PPM1E: variants seen among roughly 807,000 people sequenced by gnomAD.
PPM1E encodes protein phosphatase, Mg2+/Mn2+ dependent 1E.
Under a neutral mutation model 65.9 loss-of-function variants are expected in PPM1E, and 20 were observed. The ratio of observed to expected loss-of-function variants is 0.30; its 90% CI spans 0.21 to 0.44. PPM1E has a LOEUF of 0.44. PPM1E is among the 20% of genes least tolerant of loss of function. The pLI, the probability that PPM1E is intolerant of heterozygous loss-of-function variation, is 1.00. For synonymous variants in PPM1E, 352 were observed against 374.9 expected (o/e 0.94, Z 0.70); for missense variants, 713 against 953.1 (o/e 0.75, Z 3.32).
rs2143867867 is a variant in PPM1E at position 58,983,543 on chromosome 17, T to C, written c.*2512T>C. On this transcript the variant is annotated 3_prime_UTR_variant, in exon 7 of 7. Coordinates refer to ENST00000308249, the MANE Select transcript of PPM1E (RefSeq NM_014906.5). ...CTGACGTAAGCAATAAGTAACCCTCTAACTAATGGTATCTACATATTTCTG... is the reference window on the plus strand; with the variant it reads ...CTGACGTAAGCAATAAGTAACCCTCCAACTAATGGTATCTACATATTTCTG... 1 of 152,772 alleles carries C rather than the reference T, an allele frequency of 6.5e-6. No individual in the cohort carries two copies. Among genetic ancestry groups the C allele is most frequent in the Non-Finnish European group, 1.5e-5 (1 of 68,034 alleles). 9.5% of individuals were successfully genotyped at this position (152,772 alleles called of 1,614,324 possible).
intron 1 of PPM1E, among the ~76,000 whole-genome samples, chr17:58,786,543 T>C (rs1036131422): frequency 6.6e-6 from 1 of 152,216 alleles, no homozygotes; most frequent in Non-Finnish European, 1.5e-5. Context: ...GGATGATTCA[T>C]GTCCCAGGCA....
intron 1 of PPM1E, among the ~76,000 whole-genome samples, chr17:58,856,109 C>T (rs945166825): frequency 3.9e-5 from 6 of 152,136 alleles, no homozygotes; most frequent in African/African-American, 1.4e-4. Context: ...ATGTATTCAG[C>T]TATTGCATTA....
intron 1 of PPM1E, among the ~76,000 whole-genome samples, chr17:58,892,356 T>A (rs1386221437): frequency 6.6e-6 from 1 of 152,132 alleles, no homozygotes; most frequent in African/African-American, 2.4e-5. Flanking sequence ...GGAGGATTGC[T>A]TGAGGCCATG....
intron 1 of PPM1E, among the ~76,000 whole-genome samples, chr17:58,939,362 G>A (rs2052032312): frequency 6.6e-6 from 1 of 152,174 alleles, no homozygotes; most frequent in African/African-American, 2.4e-5. Flanking sequence ...CTGCAGGAAA[G>A]AACAGTCAGA....
At chr17:58,902,404 G>C (rs746102162) in intron 1 of PPM1E, among the ~76,000 whole-genome samples, 6 of 151,940 alleles carry the variant, frequency 3.9e-5, no homozygotes, top group Non-Finnish European at 5.9e-5. Context: ...AACCAGCTAT[G>C]CTGCATTGTA....
chr17:58,862,438 A>C (rs994365694), intron 1 of PPM1E, among the ~76,000 whole-genome samples: 2 of 152,192 alleles, frequency 1.3e-5, no homozygotes, highest in African/African-American at 4.8e-5. Context: ...GAACTCCCCA[A>C]TTTGAAATAA....
intron 1 of PPM1E, among the ~76,000 whole-genome samples, chr17:58,882,953 T>C (rs1869485369): frequency 3.5e-5 from 2 of 57,794 alleles, no homozygotes; most frequent in Non-Finnish European, 7.6e-5. Context: ...ATTACTTTCT[T>C]TTTTTTTTTT....
At chr17:58,912,635 T>C (rs2051639887) in intron 1 of PPM1E, among the ~76,000 whole-genome samples, 1 of 152,182 alleles carries the variant, frequency 6.6e-6, no homozygotes, top group African/African-American at 2.4e-5. Context: ...TCTAAAACTC[T>C]TAGAACCTCC....
At chr17:58,822,080 G>A (rs907403141) in intron 1 of PPM1E, among the ~76,000 whole-genome samples, 16 of 152,134 alleles carry the variant, frequency 1.1e-4, no homozygotes, top group African/African-American at 3.6e-4. Flanking sequence ...AAGGAATCTG[G>A]CAGGAAGAAG....
intron 1 of PPM1E, among the ~76,000 whole-genome samples, chr17:58,883,040 C>A (rs2051218922): frequency 6.7e-6 from 1 of 149,318 alleles, no homozygotes; most frequent in African/African-American, 2.5e-5. Flanking sequence ...CTGCAACCTC[C>A]ACCTCACGGG....
chr17:58,821,196 T>C (rs547754639), intron 1 of PPM1E, among the ~76,000 whole-genome samples: 1 of 152,216 alleles, frequency 6.6e-6, no homozygotes, highest in South Asian at 2.1e-4. Context: ...CTGCAAGCTC[T>C]GCCTCCCGGG....
chr17:58,773,593 T>C (rs948248199), intron 1 of PPM1E, among the ~76,000 whole-genome samples: 16 of 152,122 alleles, frequency 1.1e-4, no homozygotes, highest in Non-Finnish European at 2.2e-4. Flanking sequence ...TCTTATCTCT[T>C]TTATTAAATT....
At chr17:58,927,718 G>A (rs748647546) in intron 1 of PPM1E, among the ~76,000 whole-genome samples, 8 of 151,628 alleles carry the variant, frequency 5.3e-5, no homozygotes, top group South Asian at 2.1e-4. Flanking sequence ...ACCAGCTTGG[G>A]CAACAAAGTG....
At chr17:58,839,524 A>G (rs187045459) in intron 1 of PPM1E, among the ~76,000 whole-genome samples, 106 of 152,312 alleles carry the variant, frequency 7.0e-4, no homozygotes, top group Non-Finnish European at 1.4e-3. Flanking sequence ...GAACTGTACA[A>G]GAGTACTTAC....
intron 1 of PPM1E, among the ~76,000 whole-genome samples, chr17:58,770,767 T>G (rs1463787767): frequency 6.6e-6 from 1 of 152,044 alleles, no homozygotes; most frequent in Non-Finnish European, 1.5e-5. Context: ...TTTTCTCCCT[T>G]CCCCAAAGAC....
intron 1 of PPM1E, among the ~76,000 whole-genome samples, chr17:58,927,122 CTTT>C (rs533990179): frequency 8.0e-6 from 1 of 124,618 alleles, no homozygotes; most frequent in Non-Finnish European, 1.7e-5. Flanking sequence ...GACTTTTAAA[CTTT>C]TTTTTTTTTT....
intron 1 of PPM1E, among the ~76,000 whole-genome samples, chr17:58,847,090 A>G (rs1044741020): frequency 5.9e-5 from 9 of 152,052 alleles, no homozygotes; most frequent in African/African-American, 1.2e-4. Context: ...GTCTGTTCAT[A>G]TCCTTTGCCC....
intron 1 of PPM1E, among the ~76,000 whole-genome samples, chr17:58,799,348 G>A (rs1404826746): frequency 6.8e-6 from 1 of 147,084 alleles, no homozygotes; most frequent in Non-Finnish European, 1.5e-5. Context: ...GGCGCCGTCA[G>A]GGCTCACTGC....
chr17:58,786,259 C>G lies in PPM1E; in HGVS notation c.464+29798C>G, dbSNP rs564959982. On this transcript the variant is annotated intron_variant, in intron 1 of 6. Transcript: ENST00000308249. ...TCCGTCTCCTGACCTCGTGATCTGC[C>G]CGCCTCGGCCTCCCAAAGTGCTGGG... Among the ~76,000 whole-genome samples the G allele has an allele frequency of 8.5e-4, 129 of 152,226 alleles. 1 individual carries two copies. Among genetic ancestry groups the G allele is most frequent in the African/African-American group, 3.1e-3 (128 of 41,536 alleles).
Sources: gnomAD v4.1 joint callset for allele counts (sites outside exome capture counted in the v4.1 genomes callset) on GRCh38, gnomAD v4.1.1 for gene constraint, MANE v1.5 for transcripts, NCBI Gene and HGNC (gene_info 2026-07-23, HGNC 2026-07-21) for gene names.